POFUT2: variants seen among roughly 807,000 people sequenced by gnomAD.
POFUT2 encodes the protein GDP-fucose protein O-fucosyltransferase 2.
A neutral mutation model predicts 55.0 loss-of-function variants in POFUT2; 30 were observed. The observed-to-expected ratio is 0.55, with a 90% CI of 0.41 to 0.74. The LOEUF (loss-of-function observed/expected upper bound fraction) is 0.74, where lower values mean the gene tolerates loss of function less well. POFUT2 is among the 30% of genes least tolerant of loss of function. The pLI, the probability that POFUT2 is intolerant of heterozygous loss-of-function variation, is 0.00. For synonymous variants in POFUT2, 267 were observed against 231.1 expected (o/e 1.16, Z -1.41); for missense variants, 524 against 562.6 (o/e 0.93, Z 0.69).
intron 2 of POFUT2, 147 bp from the exon 3 acceptor site, chr21:45,283,674 G>A (rs1602228944): frequency 1.2e-6 from 1 of 820,134 alleles, no homozygotes. Context: ...AGCAGAGACA[G>A]GGCAGAGCAC....
Position 45,282,355 on chromosome 21 carries a change from G to A in POFUT2, c.632C>T (p.Ser211Leu), listed in dbSNP as rs760957080. Reference protein sequence around the residue: ...IVAPLLLRNTSARSVMLDRAE... With the variant: ...IVAPLLLRNTLARSVMLDRAE... ...GGGGGCCTGGGGCACTCACCGGGCTGATGTGTTTCTCAGCAGCAGGGGCGC... is the reference window on the plus strand; with the variant it reads ...GGGGGCCTGGGGCACTCACCGGGCTAATGTGTTTCTCAGCAGCAGGGGCGC... The change falls in exon 4 of 9, where the codon TCA becomes TTA. Residue 211 changes from serine to leucine, a missense_variant. Transcript: ENST00000349485. This position sits in a 1 kb window ranked among gnomAD's most constrained non-coding sequence, Gnocchi z 4.6. 4 of 1,609,240 alleles carry A rather than the reference G, an allele frequency of 2.5e-6. No individual in the cohort carries two copies. The South Asian group carries it at 3.3e-5, about 13-fold the overall frequency.
rs1395378278 is a variant in POFUT2, at chr21:45,267,493, A to G, written c.1136+97T>C. ...CAGTATGGAAATGACCACTGTGAAC[A>G]CAGGCGACCATCTGCTCTGACACCG... is the stretch of plus-strand genomic sequence containing the variant. On this transcript the variant is annotated intron_variant, in intron 8 of 8. Coordinates refer to ENST00000349485, the MANE Select transcript of POFUT2 (RefSeq NM_133635.6). The surrounding 1 kb of genome is among the most constrained non-coding windows in gnomAD (Gnocchi z 4.4). 6.2e-7 allele frequency: 1 copy of G among 1,614,054 alleles called. No homozygotes were observed. The highest frequency in any genetic ancestry group is 1.7e-5 in the Admixed American group (1 of 60,008).
rs568298136 is a variant in POFUT2 at position 45,267,082 on chromosome 21, G to A, written c.1136+508C>T. The A allele has an allele frequency of 6.3e-6, 7 of 1,116,416 alleles. No individual in the cohort carries two copies. The highest frequency in any genetic ancestry group is 1.4e-4 in the East Asian group (2 of 14,098). 69.2% of individuals were successfully genotyped at this position (1,116,416 alleles called of 1,614,324 possible). ...GGCCCACGCTCCCGGCCTCGGGGAC[G>A]CTCACGGCAGCCCCACAAGAACGAT... On this transcript the variant is annotated intron_variant, in intron 8 of 8. Coordinates refer to ENST00000349485, the MANE Select transcript of POFUT2 (RefSeq NM_133635.6). The surrounding 1 kb of genome is among the most constrained non-coding windows in gnomAD (Gnocchi z 4.4).
Position 45,285,758 on chromosome 21 carries a change from C to T in POFUT2, c.302G>A (p.Arg101Gln), listed in dbSNP as rs763967396. ...ATCAAAAAACTCAGACCAGGGAATC[C>T]GGACCTGGTGGATGTCAGGACTCTG... ...HWQSPDIHQV[R>Q]IPWSEFFDLP... Residue 101 changes from arginine to glutamine, a missense_variant, in exon 2 of 9, where the codon CGG becomes CAG. By Grantham distance (43) the Arg-to-Gln change is conservative. Transcript: ENST00000349485. This position sits in a 1 kb window ranked among gnomAD's most constrained non-coding sequence, Gnocchi z 4.9. The T allele has an allele frequency of 1.5e-5, 24 of 1,613,508 alleles. No homozygotes were observed. The highest frequency in any genetic ancestry group is 1.9e-5 in the Non-Finnish European group (23 of 1,179,742).
At chr21:45,275,488 A>C (rs189696659) in intron 6 of POFUT2, among the ~76,000 whole-genome samples, 1 of 152,358 alleles carries the variant, frequency 6.6e-6, no homozygotes, top group East Asian at 1.9e-4. Context: ...ATAGCAGCAC[A>C]ATCCACAGCT....
rs557168960 is a variant in POFUT2, at chr21:45,285,451, A to C, written c.382+227T>G. ...AGGGGGCACAAAGCTCATCCACTTC[A>C]GGTCCATTTCCGAGAAACATTTTGG... On this transcript the variant is annotated intron_variant, in intron 2 of 8. Transcript: ENST00000349485. This position sits in a 1 kb window ranked among gnomAD's most constrained non-coding sequence, Gnocchi z 4.9. 92 of 594,110 alleles carry C rather than the reference A, an allele frequency of 1.5e-4. No homozygotes were observed. Among genetic ancestry groups the C allele is most frequent in the South Asian group, 2.6e-4 (16 of 61,012 alleles). The allele number at this position is 594,110 out of a possible 1,614,324, so 36.8% of individuals were successfully genotyped here.
intron 1 of POFUT2, 42 bp downstream of exon 1, chr21:45,287,698 CG>C: frequency 7.2e-7 from 1 of 1,392,924 alleles, no homozygotes; most frequent in East Asian, 2.8e-5. Context: ...TGACCCTGCC[CG>C]GTCCTGGAAC....
In POFUT2 at chr21:45,281,579, G is replaced by A. The variant is rs568990026; in HGVS notation, c.638+770C>T. ...ACCAGGGTGATACCGAGCCAGCTGT[G>A]ATGTGCAACAGGATCGTGGCTGATG... On this transcript the variant is annotated intron_variant, in intron 4 of 8. Coordinates refer to ENST00000349485, the MANE Select transcript of POFUT2 (RefSeq NM_133635.6). The surrounding 1 kb of genome is among the most constrained non-coding windows in gnomAD (Gnocchi z 5.0). Among the ~76,000 whole-genome samples the A allele has an allele frequency of 6.6e-6, 1 of 152,256 alleles. No homozygotes were observed. Among genetic ancestry groups the A allele is most frequent in the East Asian group, 1.9e-4 (1 of 5,162 alleles).
rs2093210657 is a variant in POFUT2, at chr21:45,270,629, G to T, written c.832-610C>A. Among the ~76,000 whole-genome samples the T allele has an allele frequency of 2.6e-5, 4 of 152,108 alleles. No individual in the cohort carries two copies. The highest frequency in any genetic ancestry group is 6.5e-5 in the Admixed American group (1 of 15,276). On this transcript the variant is annotated intron_variant, in intron 6 of 8. Transcript: ENST00000349485. This position sits in a 1 kb window ranked among gnomAD's most constrained non-coding sequence, Gnocchi z 4.6. ...TGCACTCAACAAAACTACAACCAAG[G>T]ACCCCCCCAGAGTCCACTTCACTCC...
intron 6 of POFUT2, among the ~76,000 whole-genome samples, chr21:45,276,755 C>T (rs1189770446): frequency 1.3e-5 from 2 of 152,176 alleles, no homozygotes; most frequent in Non-Finnish European, 2.9e-5. Context: ...TTTGAGTCCG[C>T]TGGGCCTGCC....
chr21:45,286,848 C>T (rs2031467365), intron 1 of POFUT2, among the ~76,000 whole-genome samples: 1 of 152,212 alleles, frequency 6.6e-6, no homozygotes, highest in Non-Finnish European at 1.5e-5. Flanking sequence ...CCTCTGCGTC[C>T]AGGCCCCTCC....
At chr21:45,266,592 T>C in intron 8 of POFUT2, 2 of 1,058,852 alleles carry the variant, frequency 1.9e-6, no homozygotes, top group Non-Finnish European at 2.3e-6. Flanking sequence ...GTAACTGGGC[T>C]CCTGCACACC....
intron 7 of POFUT2, among the ~76,000 whole-genome samples, chr21:45,268,121 G>A: frequency 1.3e-5 from 2 of 151,798 alleles, no homozygotes; most frequent in African/African-American, 4.8e-5. Flanking sequence ...AGCCTGCCGA[G>A]TGCCTGCGAT....
Position 45,267,836 on chromosome 21 carries a change from G to T in POFUT2, c.1013-123C>A. 1.2e-6 allele frequency: 1 copy of T among 810,952 alleles called. No homozygotes were observed. Among genetic ancestry groups the T allele is most frequent in the Non-Finnish European group, 2.0e-6 (1 of 491,410 alleles). 50.2% of individuals were successfully genotyped at this position (810,952 alleles called of 1,614,324 possible). On this transcript the variant is annotated intron_variant, in intron 7 of 8. Coordinates refer to ENST00000349485, the MANE Select transcript of POFUT2 (RefSeq NM_133635.6). The surrounding 1 kb of genome is among the most constrained non-coding windows in gnomAD (Gnocchi z 4.4). ...TAATTCGTTAGGAACTGGCTCCAAA[G>T]GTGCAGACACACAACTCAGCTTTAC...
chr21:45,285,777 G>C lies in POFUT2; in HGVS notation c.283C>G (p.Pro95Ala). Residue 95 changes from proline to alanine, a missense_variant, in exon 2 of 9, where the codon CCT becomes GCT. Pro to Ala is a conservative substitution (Grantham distance 27). This residue lies in a region of POFUT2 where 274 missense variants were observed against 244.4 expected (regional missense o/e 1.12). Transcript: ENST00000349485. This position sits in a 1 kb window ranked among gnomAD's most constrained non-coding sequence, Gnocchi z 4.9. ...GGAATCCGGACCTGGTGGATGTCAGGACTCTGCCAGTGATAGAGGCGGCCC... is the reference window on the plus strand; with the variant it reads ...GGAATCCGGACCTGGTGGATGTCAGCACTCTGCCAGTGATAGAGGCGGCCC... ...PWGRLYHWQS[P>A]DIHQVRIPWS... is the part of the protein sequence containing the mutation. 6.2e-7 allele frequency: 1 copy of C among 1,613,758 alleles called. No individual in the cohort carries two copies. Among genetic ancestry groups the C allele is most frequent in the Non-Finnish European group, 8.5e-7 (1 of 1,179,984 alleles).
chr21:45,273,565 A>G (rs2093237684), intron 6 of POFUT2, among the ~76,000 whole-genome samples: 1 of 152,188 alleles, frequency 6.6e-6, no homozygotes, highest in Admixed American at 6.5e-5. Context: ...AAAATCCTTA[A>G]CAAAATACTA....
intron 7 of POFUT2, among the ~76,000 whole-genome samples, chr21:45,268,523 C>T: frequency 6.6e-6 from 1 of 151,738 alleles, no homozygotes; most frequent in African/African-American, 2.4e-5. Flanking sequence ...GCCGCCATCC[C>T]ATCTAGGAAG....
chr21:45,286,888 A>G (rs2031473913), intron 1 of POFUT2, among the ~76,000 whole-genome samples: 1 of 152,148 alleles, frequency 6.6e-6, no homozygotes, highest in South Asian at 2.1e-4. Flanking sequence ...CCACAGCCAC[A>G]GGGCGGCCGC....
Position 45,281,874 on chromosome 21 carries a change from G to A in POFUT2, c.638+475C>T, listed in dbSNP as rs1395039069. Among the ~76,000 whole-genome samples, 4 of 152,056 alleles carry A rather than the reference G, an allele frequency of 2.6e-5. No individual in the cohort carries two copies. Among genetic ancestry groups the A allele is most frequent in the Non-Finnish European group, 4.4e-5 (3 of 68,016 alleles). ...CCCAGCCTCCTGGGTGGACCCTCGA[G>A]GCCCAGCTCACCAGGCCGGCGACCA... On this transcript the variant is annotated intron_variant, in intron 4 of 8. Transcript: ENST00000349485. This position sits in a 1 kb window ranked among gnomAD's most constrained non-coding sequence, Gnocchi z 5.0.
Sources: gnomAD v4.1 joint callset for allele counts (sites outside exome capture counted in the v4.1 genomes callset) on GRCh38, gnomAD v4.1.1 for gene constraint, gnomAD v4.1.1 regional missense constraint, Gnocchi (gnomAD v3.1) non-coding constraint, MANE v1.5 for transcripts, NCBI Gene and HGNC (gene_info 2026-07-23, HGNC 2026-07-21) for gene names.